TGM4: variants seen among roughly 807,000 people sequenced by gnomAD.
The protein encoded by TGM4 is protein-glutamine gamma-glutamyltransferase 4.
TGM4 carries 61 observed loss-of-function variants against 76.3 expected under a neutral mutation model. The ratio of observed to expected loss-of-function variants is 0.80; its 90% confidence interval spans 0.65 to 0.99. The LOEUF is 0.99. TGM4 is among the 50% of genes least tolerant of loss of function. TGM4 has a pLI of 0.00. For missense variants in TGM4, 794 were observed against 843.2 expected (o/e 0.94, Z 0.72); for synonymous variants, 337 against 329.8 (o/e 1.02, Z -0.24).
chr3:44,893,889 A>G (rs1699738363), intron 5 of TGM4, among the ~76,000 whole-genome samples, 194 bp downstream of exon 5: 1 of 149,142 alleles, frequency 6.7e-6, no homozygotes, highest in Admixed American at 6.8e-5. Flanking sequence ...CCTGGGCAGA[A>G]GCCCTTCCAC....
chr3:44,906,873 T>C (rs1699928067), intron 9 of TGM4, 76 bp from the exon 10 acceptor site: 1 of 1,576,746 alleles, frequency 6.3e-7, no homozygotes, highest in Non-Finnish European at 8.6e-7. Flanking sequence ...AGTTTGGGAA[T>C]CATTGCTGCC....
At chr3:44,910,480 A>T in intron 11 of TGM4, 112 bp downstream of exon 11, 7 of 1,321,664 alleles carry the variant, frequency 5.3e-6, no homozygotes, top group Non-Finnish European at 7.2e-6. Context: ...TTTGTGTGTG[A>T]GTTAACACAA....
At chr3:44,899,882 T>G (rs933013496) in intron 6 of TGM4, among the ~76,000 whole-genome samples, 4 of 152,034 alleles carry the variant, frequency 2.6e-5, no homozygotes, top group African/African-American at 9.7e-5. Context: ...TCCATCAGAG[T>G]GAGCAAATAA....
chr3:44,908,378 T>TTTTTTG (rs1553675820), intron 10 of TGM4, among the ~76,000 whole-genome samples: 1 of 151,998 alleles, frequency 6.6e-6, no homozygotes, highest in East Asian at 1.9e-4. Flanking sequence ...AGGAGTGTTT[T>TTTTTTG]TTTTTGTTTT....
chr3:44,876,908 G>A (rs1005616814), intron 1 of TGM4, among the ~76,000 whole-genome samples: 2 of 152,034 alleles, frequency 1.3e-5, no homozygotes, highest in Admixed American at 1.3e-4. Context: ...AAATATACAT[G>A]GACAAAGAGC....
intron 8 of TGM4, among the ~76,000 whole-genome samples, chr3:44,902,949 C>CA (rs1357833583): frequency 6.6e-6 from 1 of 152,224 alleles, no homozygotes; most frequent in Non-Finnish European, 1.5e-5. Context: ...TGGAGCCTTA[C>CA]AGCTTTTATT....
chr3:44,910,887 CT>C (rs1486109920), intron 11 of TGM4, 70 bp from the exon 12 acceptor site: 3 of 1,516,260 alleles, frequency 2.0e-6, no homozygotes, highest in Non-Finnish European at 2.7e-6. Context: ...TAATTCTGTG[CT>C]TGATGAGGAG....
At chr3:44,912,934 A>T (rs941720087) in intron 13 of TGM4, among the ~76,000 whole-genome samples, 1 of 152,216 alleles carries the variant, frequency 6.6e-6, no homozygotes, top group Non-Finnish European at 1.5e-5. Flanking sequence ...CCAGCAAAAA[A>T]CTTTACTGAA....
Position 44,903,950 on chromosome 3 carries a change from G to T in TGM4, c.1038G>T (p.Trp346Cys), listed in dbSNP as rs2125758018. The T allele has an allele frequency of 1.2e-6, 2 of 1,614,158 alleles. No homozygotes were observed. Among genetic ancestry groups the T allele is most frequent in the Non-Finnish European group, 1.7e-6 (2 of 1,180,044 alleles). Residue 346 changes from tryptophan (W) to cysteine (C), a missense_variant, in exon 9 of 14, where the codon TGG becomes TGT. Trp to Cys is a radical substitution (Grantham distance 215, BLOSUM62 -2). Coordinates refer to ENST00000296125, the MANE Select transcript of TGM4 (RefSeq NM_003241.4). ...ATCTGCCCAAGGGCTACGACGGCTG[G>T]CAGGCTGTGGACGCAACGCCGCAGG... ...RPDLPKGYDGWQAVDATPQER... is the reference protein window; with the variant it reads ...RPDLPKGYDGCQAVDATPQER...
At chr3:44,882,411 T>C (rs1699546609) in intron 1 of TGM4, among the ~76,000 whole-genome samples, 1 of 152,240 alleles carries the variant, frequency 6.6e-6, no homozygotes, top group Non-Finnish European at 1.5e-5. Context: ...GGCATTCAAA[T>C]GACCACAAAT....
chr3:44,884,791 A>T (rs981701493), intron 1 of TGM4, among the ~76,000 whole-genome samples: 1 of 152,068 alleles, frequency 6.6e-6, no homozygotes, highest in Non-Finnish European at 1.5e-5. Context: ...ATGGTGTCTG[A>T]CTTGAAGCTG....
At chr3:44,906,062 G>GAGGGTA (rs1699918230) in intron 9 of TGM4, among the ~76,000 whole-genome samples, 5 of 152,036 alleles carry the variant, frequency 3.3e-5, no homozygotes, top group African/African-American at 1.2e-4. Context: ...GGCCAGAGAG[G>GAGGGTA]GAGGGTGGGG....
At chr3:44,899,690 C>T (rs1699826646) in intron 6 of TGM4, 1 of 152,212 alleles carries the variant, frequency 6.6e-6, no homozygotes, top group African/African-American at 2.4e-5. Flanking sequence ...ATAAGTTACC[C>T]CAAGACACTG....
In TGM4 at chr3:44,874,634, C is replaced by T; in HGVS notation, c.-45C>T. On this transcript the variant is annotated 5_prime_UTR_variant, in exon 1 of 14. Transcript: ENST00000296125. ...CCGACTGTGTGGAAGCACCAGGCAT[C>T]AGAGATAGAGTCTTCCCTGGCATTG... 6.2e-7 allele frequency: 1 copy of T among 1,613,394 alleles called. No individual in the cohort carries two copies. Among genetic ancestry groups the T allele is most frequent in the Admixed American group, 1.7e-5 (1 of 59,916 alleles).
intron 13 of TGM4, 68 bp downstream of exon 13, chr3:44,911,474 C>G (rs1022448934): frequency 1.2e-5 from 19 of 1,554,816 alleles, no homozygotes; most frequent in Non-Finnish European, 1.7e-5. Flanking sequence ...TGTGCATATT[C>G]CTGAGAAGTG....
intron 4 of TGM4, among the ~76,000 whole-genome samples, 162 bp downstream of exon 4, chr3:44,890,894 TC>T (rs878875275): frequency 3.9e-5 from 6 of 152,182 alleles, no homozygotes; most frequent in South Asian, 2.1e-4. Flanking sequence ...TGGAGCGTTT[TC>T]TTTGTGACCA....
rs141141838 is a variant in TGM4 at position 44,885,369 on chromosome 3, G to A, written c.64G>A (p.Val22Ile). 769 of 1,613,780 alleles carry A rather than the reference G, an allele frequency of 4.8e-4. 4 individuals carry two copies. The highest frequency in any genetic ancestry group is 2.1e-3 in the South Asian group (195 of 91,044). The change falls in exon 2 of 14, where the codon GTT becomes ATT. Residue 22 changes from valine (V) to isoleucine (I), a missense_variant. Transcript: ENST00000296125. Reference sequence around the variant, plus strand: ...TGACTTCTTGAATCAGGACAACGCCGTTTCTCACCACACATGGGAGTTCCA... The same window carrying A: ...TGACTTCTTGAATCAGGACAACGCCATTTCTCACCACACATGGGAGTTCCA... The part of the protein sequence containing the change: ...HIDFLNQDNA[V>I]SHHTWEFQTS...
intron 1 of TGM4, among the ~76,000 whole-genome samples, chr3:44,877,158 T>C (rs1699461170): frequency 6.6e-6 from 1 of 151,884 alleles, no homozygotes; most frequent in Non-Finnish European, 1.5e-5. Flanking sequence ...ATTTAAAAAT[T>C]AGCCGTGGCC....
At chr3:44,886,711 A>G (rs952132197) in intron 2 of TGM4, among the ~76,000 whole-genome samples, 6 of 152,244 alleles carry the variant, frequency 3.9e-5, no homozygotes, top group Non-Finnish European at 8.8e-5. Flanking sequence ...CACTCACTCA[A>G]CAAATATTTG....
Sources: gnomAD v4.1 joint callset for allele counts (sites outside exome capture counted in the v4.1 genomes callset) on GRCh38, gnomAD v4.1.1 for gene constraint, MANE v1.5 for transcripts, NCBI Gene and HGNC (gene_info 2026-07-23, HGNC 2026-07-21) for gene names.